FAM184B: variants seen among roughly 807,000 people sequenced by gnomAD.
FAM184B encodes the protein protein FAM184B.
FAM184B carries 111 observed loss-of-function variants against 135.9 expected under a neutral mutation model. The ratio of observed to expected loss-of-function variants is 0.82; its 90% CI spans 0.70 to 0.96. FAM184B has a LOEUF of 0.96. Ranked by LOEUF, FAM184B falls within the 40% of genes least tolerant of loss-of-function variation. FAM184B has a pLI of 0.00. For missense variants in FAM184B, 1,375 were observed against 1,323.9 expected, an observed-to-expected ratio of 1.04 and a Z score of -0.60; for synonymous variants, 552 against 524.8, an observed-to-expected ratio of 1.05 and a Z score of -0.71.
In FAM184B at chr4:17,652,866, G is replaced by C; in HGVS notation, c.2155C>G (p.Arg719Gly). 3 of 1,551,632 alleles carry C rather than the reference G, an allele frequency of 1.9e-6. No individual in the cohort carries two copies. Among genetic ancestry groups the C allele is most frequent in the Non-Finnish European group, 2.6e-6 (3 of 1,146,986 alleles). Residue 719 changes from arginine (R) to glycine (G), a missense_variant, in exon 11 of 18, where the codon CGT (arginine) becomes GGT (glycine). Transcript: ENST00000265018. ...EKARQELQEERERMQAQQALL... is the reference protein window; with the variant it reads ...EKARQELQEEGERMQAQQALL... ...GCCTGCTGTGCCTGCATCCTCTCAC[G>C]CTCCTCCTGCAGCTCTTGCCTGGCC...
chr4:17,674,012 C>T (rs1369836986), intron 7 of FAM184B, among the ~76,000 whole-genome samples: 2 of 151,970 alleles, frequency 1.3e-5, no homozygotes, highest in East Asian at 3.9e-4. Context: ...CTAGACCTGC[C>T]TTACAAGAAA....
intron 12 of FAM184B, among the ~76,000 whole-genome samples, chr4:17,642,483 G>T (rs1282328098): frequency 6.6e-6 from 1 of 152,108 alleles, no homozygotes; most frequent in African/African-American, 2.4e-5. Flanking sequence ...GCATCCAAAT[G>T]AACACCAACC....
chr4:17,708,674 T>C (rs1350785999), intron 2 of FAM184B, among the ~76,000 whole-genome samples: 11 of 29,706 alleles, frequency 3.7e-4, no homozygotes, highest in African/African-American at 1.5e-3. Flanking sequence ...TATATATATA[T>C]ATATATATAT....
At chr4:17,776,687 C>T (rs1195796354) in intron 1 of FAM184B, among the ~76,000 whole-genome samples, 8 of 152,212 alleles carry the variant, frequency 5.3e-5, no homozygotes, top group Non-Finnish European at 8.8e-5. Flanking sequence ...CCACTGTGCC[C>T]GGCCAGTTAA....
At chr4:17,653,297 A>G (rs1489359269) in intron 10 of FAM184B, among the ~76,000 whole-genome samples, 1 of 152,204 alleles carries the variant, frequency 6.6e-6, no homozygotes, top group Non-Finnish European at 1.5e-5. Flanking sequence ...ACAGACAGAT[A>G]CTGACTCTGT....
chr4:17,735,481 C>CATG (rs908954845), intron 1 of FAM184B, among the ~76,000 whole-genome samples: 6 of 152,002 alleles, frequency 3.9e-5, no homozygotes, highest in African/African-American at 1.5e-4. Context: ...TAAACCCTGA[C>CATG]ATGATATGAA....
intron 7 of FAM184B, 124 bp from the exon 8 acceptor site, chr4:17,664,783 C>CT (rs1716006660): frequency 4.1e-6 from 3 of 727,272 alleles, no homozygotes; most frequent in Non-Finnish European, 6.6e-6. Flanking sequence ...CAGCAACCCA[C>CT]TATCGGTGCC....
At position 17,633,814 on chromosome 4, in the gene FAM184B, CAGAA is replaced by C. The variant is rs1715038163; in HGVS notation, c.2960_2963del (p.Phe987Ter). On this transcript the variant is annotated frameshift_variant, in exon 17 of 18. Transcript: ENST00000265018. LOFTEE classifies it high-confidence loss of function. ...TAATCCTGGAACTCAGATCGCCACT[CAGAA>C]AGTTCTTTGCATAGGAGGCGAGGTT... 3 of 1,551,560 alleles carry C rather than the reference CAGAA, an allele frequency of 1.9e-6. No homozygotes were observed. The highest frequency in any genetic ancestry group is 2.6e-6 in the Non-Finnish European group (3 of 1,146,950).
intron 1 of FAM184B, among the ~76,000 whole-genome samples, chr4:17,718,590 C>T (rs1406643225): frequency 6.6e-6 from 1 of 152,208 alleles, no homozygotes; most frequent in African/African-American, 2.4e-5. Context: ...TTGAACTTGG[C>T]TGTGTGACTT....
chr4:17,747,196 G>T (rs751699857), intron 1 of FAM184B, among the ~76,000 whole-genome samples: 52 of 152,076 alleles, frequency 3.4e-4, no homozygotes, highest in Non-Finnish European at 6.2e-4. Flanking sequence ...GTGAGCCAAG[G>T]TGATCTCTTT....
chr4:17,698,029 G>A (rs1716903871), intron 5 of FAM184B, among the ~76,000 whole-genome samples: 2 of 151,634 alleles, frequency 1.3e-5, no homozygotes, highest in Non-Finnish European at 2.9e-5. Context: ...TCAGCCCAAA[G>A]TGACCTTGAA....
In FAM184B at chr4:17,656,494, C is replaced by T. The variant is rs139271251; in HGVS notation, c.2037+1856G>A. On this transcript the variant is annotated intron_variant, in intron 10 of 17. Transcript: ENST00000265018. ...TCAGCTCACAGCAACCTCTGCCTCCCAGGTTCAAGCAATTCTCCTGCCTCA... is the reference window on the plus strand; with the variant it reads ...TCAGCTCACAGCAACCTCTGCCTCCTAGGTTCAAGCAATTCTCCTGCCTCA... Among the ~76,000 whole-genome samples the T allele has an allele frequency of 7.6e-3, 1,158 of 152,190 alleles. 20 individuals are homozygous for T. Among genetic ancestry groups the T allele is most frequent in the African/African-American group, 0.026 (1,092 of 41,524 alleles).
chr4:17,716,871 G>A (rs759332347), intron 1 of FAM184B, among the ~76,000 whole-genome samples: 57 of 152,054 alleles, frequency 3.7e-4, no homozygotes, highest in Non-Finnish European at 6.9e-4. Flanking sequence ...GAAGTGCAGT[G>A]GTGTGATCTT....
rs949770067 is a variant in FAM184B, at chr4:17,774,613, T to G, written c.141+6546A>C. On this transcript the variant is annotated intron_variant, in intron 1 of 17. Coordinates refer to ENST00000265018, the MANE Select transcript of FAM184B (RefSeq NM_015688.2). The stretch of plus-strand genomic sequence containing the variant: ...CCATCCTTCAATTGCTGCAAGCCAG[T>G]GGTTCTCAACCCTGTCAGCACATTG... 1.4e-4 allele frequency among the ~76,000 whole-genome samples: 21 copies of G among 152,346 alleles called. No homozygotes were observed. In the East Asian group the frequency reaches 2.3e-3, roughly 17 times the overall value.
Position 17,707,658 on chromosome 4 carries a change from G to C in FAM184B, c.1021C>G (p.Gln341Glu). The C allele has an allele frequency of 6.4e-7, 1 of 1,551,734 alleles. No individual in the cohort carries two copies. Among genetic ancestry groups the C allele is most frequent in the African/African-American group, 1.4e-5 (1 of 73,176 alleles). ...RMMLQECRGTQQTDAMKTELV... is the reference protein window; with the variant it reads ...RMMLQECRGTEQTDAMKTELV... ...TTCCAGGGCATCTCACCTGTCTGCT[G>C]TGTCCCACGACACTCCTGCAGCATC... Residue 341 changes from glutamine (Q) to glutamate (E), a missense_variant, in exon 3 of 18, where the codon CAG becomes GAG. Physicochemically the swap from Gln to Glu is conservative, Grantham distance 29. Transcript: ENST00000265018.
In FAM184B at chr4:17,705,789, T is replaced by C; in HGVS notation, c.1133A>G (p.Lys378Arg). The C allele has an allele frequency of 6.4e-7, 1 of 1,551,922 alleles. No homozygotes were observed. The highest frequency in any genetic ancestry group is 8.7e-7 in the Non-Finnish European group (1 of 1,147,044). Residue 378 changes from lysine to arginine, a missense_variant, in exon 4 of 18, where the codon AAG becomes AGG. Transcript: ENST00000265018. ...LHPQQDQSCL[K>R]ECPCMKGGTD... is the part of the protein sequence containing the mutation. ...GCCTCCTTTCATGCAAGGGCACTCC[T>C]TGAGACAGCTTTGATCCTGCTGAGG... is the stretch of plus-strand genomic sequence containing the variant.
chr4:17,765,909 G>C (rs1437877164), intron 1 of FAM184B, among the ~76,000 whole-genome samples: 2 of 152,152 alleles, frequency 1.3e-5, no homozygotes, highest in African/African-American at 4.8e-5. Flanking sequence ...CTTCGCGGTG[G>C]TGAGTGTTAC....
chr4:17,768,134 G>A (rs992717065), intron 1 of FAM184B, among the ~76,000 whole-genome samples: 2 of 152,182 alleles, frequency 1.3e-5, no homozygotes, highest in East Asian at 1.9e-4. Context: ...AGTATTTACA[G>A]TTTCTTTTTC....
chr4:17,641,634 A>ACG (rs1284519584), intron 13 of FAM184B, among the ~76,000 whole-genome samples: 1 of 45,562 alleles, frequency 2.2e-5, no homozygotes, highest in Admixed American at 3.8e-4. Context: ...ACACACCACC[A>ACG]CGCCCGGCCT....
Sources: gnomAD v4.1 joint callset for allele counts (sites outside exome capture counted in the v4.1 genomes callset) on GRCh38, gnomAD v4.1.1 for gene constraint, MANE v1.5 for transcripts, NCBI Gene and HGNC (gene_info 2026-07-23, HGNC 2026-07-21) for gene names.